SLC25A26: variants seen among roughly 807,000 people sequenced by gnomAD.
The protein encoded by SLC25A26 is solute carrier family 25 member 26.
A neutral mutation model predicts 37.8 loss-of-function variants in SLC25A26; 36 were observed. The observed-to-expected ratio is 0.95, with a 90% CI of 0.73 to 1.26. SLC25A26 has a LOEUF of 1.26. Ranked by LOEUF, SLC25A26 falls within the 50% of genes most tolerant of loss-of-function variation. The pLI is 0.00. For missense variants in SLC25A26, 390 were observed against 331.1 expected (o/e 1.18, Z -1.38); for synonymous variants, 129 against 122.5 (o/e 1.05, Z -0.35).
chr3:66,162,495 A>C (rs894324953), intron 1 of SLC25A26, among the ~76,000 whole-genome samples: 1 of 152,100 alleles, frequency 6.6e-6, no homozygotes, highest in African/African-American at 2.4e-5. Context: ...AGTGAGAAAA[A>C]GTGGTCCATG....
At chr3:66,211,413 C>T (rs935120818) in intron 1 of SLC25A26, among the ~76,000 whole-genome samples, 1,828 of 152,260 alleles carry the variant, frequency 0.012, 41 homozygotes, top group African/African-American at 0.042. Context: ...GGCACGTAAT[C>T]GTGAGGGAGC....
chr3:66,307,136 GTC>G (rs2075249242), intron 5 of SLC25A26, among the ~76,000 whole-genome samples: 1 of 151,874 alleles, frequency 6.6e-6, no homozygotes, highest in Non-Finnish European at 1.5e-5. Flanking sequence ...GTGTGAAGGT[GTC>G]TGTTTCTCCA....
intron 1 of SLC25A26, among the ~76,000 whole-genome samples, chr3:66,229,228 C>T (rs2071895540): frequency 6.6e-6 from 1 of 152,090 alleles, no homozygotes; most frequent in South Asian, 2.1e-4. Context: ...GTGTTTAGTT[C>T]TCATTTATTT....
chr3:66,210,367 C>T (rs934795110), intron 1 of SLC25A26, among the ~76,000 whole-genome samples: 6 of 152,038 alleles, frequency 3.9e-5, no homozygotes, highest in Non-Finnish European at 7.4e-5. Context: ...GACAATCTCC[C>T]TTAGGAAGCC....
At chr3:66,174,541 G>A (rs1003016188) in intron 1 of SLC25A26, among the ~76,000 whole-genome samples, 1 of 152,224 alleles carries the variant, frequency 6.6e-6, no homozygotes, top group African/African-American at 2.4e-5. Context: ...AGCACTTCGG[G>A]AGGCCGAGGT....
intron 5 of SLC25A26, among the ~76,000 whole-genome samples, chr3:66,334,607 C>T (rs555261655): frequency 1.4e-4 from 21 of 152,268 alleles, no homozygotes; most frequent in African/African-American, 4.8e-4. Context: ...TGAATTACTG[C>T]GCCGGGCCCT....
intron 1 of SLC25A26, among the ~76,000 whole-genome samples, chr3:66,137,425 A>G (rs913104682): frequency 6.6e-6 from 1 of 152,026 alleles, no homozygotes; most frequent in Non-Finnish European, 1.5e-5. Flanking sequence ...ACAGGGTTTC[A>G]CCATGTTGGC....
At position 66,378,710 on chromosome 3, in the gene SLC25A26, G is replaced by C. The variant is rs1256777655; in HGVS notation, c.*903G>C. On this transcript the variant is annotated 3_prime_UTR_variant, in exon 10 of 10. Transcript: ENST00000354883. Reference sequence around the variant, plus strand: ...GAGCAAACAAACAGTATGTGATTTTGCTTCGCCTATTTTTTTTTTCTTTTT... The same window carrying C: ...GAGCAAACAAACAGTATGTGATTTTCCTTCGCCTATTTTTTTTTTCTTTTT... 1 of 152,488 alleles carries C rather than the reference G, an allele frequency of 6.6e-6. No individual in the cohort carries two copies. Among genetic ancestry groups the C allele is most frequent in the East Asian group, 1.9e-4 (1 of 5,196 alleles). 9.4% of individuals were successfully genotyped at this position (152,488 alleles called of 1,614,324 possible).
chr3:66,224,532 T>A (rs782587124), intron 1 of SLC25A26, among the ~76,000 whole-genome samples: 1 of 152,132 alleles, frequency 6.6e-6, no homozygotes, highest in Non-Finnish European at 1.5e-5. Context: ...CCACAACACA[T>A]TGGAATTATG....
At chr3:66,303,578 A>G (rs2075134717) in intron 5 of SLC25A26, among the ~76,000 whole-genome samples, 1 of 152,208 alleles carries the variant, frequency 6.6e-6, no homozygotes, top group African/African-American at 2.4e-5. Flanking sequence ...CACATTTTTC[A>G]CTCCATTGAA....
intron 1 of SLC25A26, among the ~76,000 whole-genome samples, chr3:66,196,362 C>A (rs1249295983): frequency 6.6e-6 from 1 of 152,174 alleles, no homozygotes; most frequent in Non-Finnish European, 1.5e-5. Flanking sequence ...TAGGCACATA[C>A]CTGAGATGAA....
intron 1 of SLC25A26, among the ~76,000 whole-genome samples, chr3:66,134,828 TA>T (rs1181906827): frequency 2.4e-5 from 3 of 125,064 alleles, no homozygotes; most frequent in Non-Finnish European, 5.0e-5. Context: ...TTCTTTCCTT[TA>T]TTTTTTTTTT....
At chr3:66,355,813 G>A (rs945497073) in intron 6 of SLC25A26, among the ~76,000 whole-genome samples, 2 of 152,176 alleles carry the variant, frequency 1.3e-5, no homozygotes, top group Non-Finnish European at 2.9e-5. Flanking sequence ...TCTTTAATCT[G>A]TTATAAACTT....
chr3:66,286,377 G>A (rs952283014), intron 5 of SLC25A26, among the ~76,000 whole-genome samples: 1 of 152,002 alleles, frequency 6.6e-6, no homozygotes, highest in African/African-American at 2.4e-5. Context: ...TATTTAAGGG[G>A]TGAGGTTTAG....
chr3:66,229,248 C>T (rs186396961), intron 1 of SLC25A26, among the ~76,000 whole-genome samples: 1 of 152,236 alleles, frequency 6.6e-6, no homozygotes, highest in Non-Finnish European at 1.5e-5. Context: ...TTATTTAATT[C>T]TCAAAAACTC....
chr3:66,145,550 T>A (rs2070102753), intron 1 of SLC25A26, among the ~76,000 whole-genome samples: 1 of 152,216 alleles, frequency 6.6e-6, no homozygotes, highest in Non-Finnish European at 1.5e-5. Context: ...CATTGCTGAA[T>A]CAGCATTTGA....
At position 66,221,057 on chromosome 3, in the gene SLC25A26, C is replaced by G. The variant is rs782612818; in HGVS notation, c.-38C>G. The G allele has an allele frequency of 2.6e-6, 4 of 1,535,928 alleles. No homozygotes were observed. In the South Asian group the frequency reaches 3.6e-5, roughly 14 times the overall value. On this transcript the variant is annotated 5_prime_UTR_variant, in exon 1 of 10. Transcript: ENST00000354883. ...CGCGAGGACGTGATCCGCTTCTGCT[C>G]CGGCTTGGATTGTAGCCTTGACGAG...
chr3:66,273,782 C>T (rs886905124), intron 5 of SLC25A26, among the ~76,000 whole-genome samples: 2 of 152,146 alleles, frequency 1.3e-5, no homozygotes, highest in African/African-American at 4.8e-5. Context: ...ATTCCATGCT[C>T]ATGGATAGGA....
At chr3:66,342,361 G>A (rs544204792) in intron 5 of SLC25A26, among the ~76,000 whole-genome samples, 1 of 152,154 alleles carries the variant, frequency 6.6e-6, no homozygotes, top group South Asian at 2.1e-4. Flanking sequence ...ATCACCCGTG[G>A]TGGCATTATG....
Sources: gnomAD v4.1 joint callset for allele counts (sites outside exome capture counted in the v4.1 genomes callset) on GRCh38, gnomAD v4.1.1 for gene constraint, MANE v1.5 for transcripts, NCBI Gene and HGNC (gene_info 2026-07-23, HGNC 2026-07-21) for gene names.